The following RTKN2 variants were observed in gnomAD, a reference collection of about 807,000 sequenced individuals.
RTKN2 encodes the protein rhotekin-2.
In RTKN2, 69 loss-of-function variants were observed where a neutral mutation model predicts 71.5. The observed-to-expected ratio is 0.96, with a 90% CI of 0.79 to 1.18. The LOEUF (loss-of-function observed/expected upper bound fraction) is 1.18, where lower values mean the gene tolerates loss of function less well. RTKN2 is among the 50% of genes most tolerant of loss of function. The pLI, the probability that RTKN2 is intolerant of heterozygous loss-of-function variation, is 0.00. For missense variants in RTKN2, 724 were observed against 719.7 expected (o/e 1.01, Z -0.07); for synonymous variants, 236 against 236.5 (o/e 1.00, Z 0.02).
At chr10:62,224,337 A>AC (rs1364421752) in intron 6 of RTKN2, among the ~76,000 whole-genome samples, 1 of 62,762 alleles carries the variant, frequency 1.6e-5, no homozygotes, top group African/African-American at 5.7e-5. Flanking sequence ...ACTACAAAAA[A>AC]GAAAAAATTT....
rs1376439023 is a variant in RTKN2 at position 62,212,112 on chromosome 10, A to AT, written c.1020+5005_1020+5006insA. On this transcript the variant is annotated intron_variant, in intron 9 of 11. Coordinates refer to ENST00000373789, the MANE Select transcript of RTKN2 (RefSeq NM_145307.4). The stretch of plus-strand genomic sequence containing the variant: ...GAAACTCCATCTCTACTTAAAAAAA[A>AT]AATATATATATATGGGGTAATTAAA... Among the ~76,000 whole-genome samples the AT allele has an allele frequency of 3.4e-3, 70 of 20,698 alleles. No homozygotes were observed. In the East Asian group the frequency reaches 0.25, roughly 74 times the overall value. 13.6% of individuals were successfully genotyped at this position (20,698 alleles called of 152,430 possible). A position where few individuals can be genotyped will look rare whatever the true frequency, so the allele number is the denominator to read the frequency against.
chr10:62,262,643 G>A lies in RTKN2; in HGVS notation c.239C>T (p.Ala80Val). Residue 80 changes from alanine to valine, a missense_variant, in exon 2 of 12, where the codon GCA becomes GTA. Physicochemically the swap from Ala to Val is moderately conservative, Grantham distance 64. Coordinates refer to ENST00000373789, the MANE Select transcript of RTKN2 (RefSeq NM_145307.4). ...SELQKLEEQI[A>V]NQTGRCDVKF... ...TACTAACCATCTTCCAGTCTGATTTGCAATCTGTTCTTCTAATTTCTGTAG... is the reference window on the plus strand; with the variant it reads ...TACTAACCATCTTCCAGTCTGATTTACAATCTGTTCTTCTAATTTCTGTAG... The A allele has an allele frequency of 1.2e-6, 2 of 1,604,662 alleles. No individual in the cohort carries two copies. The highest frequency in any genetic ancestry group is 4.5e-5 in the East Asian group (2 of 44,734).
chr10:62,250,453 T>G (rs1374998230), intron 2 of RTKN2, among the ~76,000 whole-genome samples: 1 of 152,212 alleles, frequency 6.6e-6, no homozygotes, highest in African/African-American at 2.4e-5. Context: ...CATCATTTAT[T>G]AAGGAAACTA....
At position 62,194,086 on chromosome 10, in the gene RTKN2, T is replaced by C; in HGVS notation, c.*3822A>G. 1.0e-6 allele frequency: 1 copy of C among 981,382 alleles called. No individual in the cohort carries two copies. The highest frequency in any genetic ancestry group is 1.2e-6 in the Non-Finnish European group (1 of 826,234). The allele number at this position is 981,382 out of a possible 1,614,324, so 60.8% of individuals were successfully genotyped here. ...AATACCTTTGGTACTTTAAAAAATGTATGTCCATGATATAATACTTTTTAA... is the reference window on the plus strand; with the variant it reads ...AATACCTTTGGTACTTTAAAAAATGCATGTCCATGATATAATACTTTTTAA... On this transcript the variant is annotated 3_prime_UTR_variant, in exon 12 of 12. Transcript: ENST00000373789.
intron 9 of RTKN2, among the ~76,000 whole-genome samples, chr10:62,205,513 G>A (rs940642223): frequency 2.6e-5 from 4 of 152,042 alleles, no homozygotes; most frequent in Non-Finnish European, 5.9e-5. Flanking sequence ...CAGTAAAACC[G>A]TAACTTAGTG....
intron 8 of RTKN2, among the ~76,000 whole-genome samples, chr10:62,185,528 AC>A (rs1841120638): frequency 6.6e-6 from 1 of 152,070 alleles, no homozygotes; most frequent in South Asian, 2.1e-4. Flanking sequence ...AGGCAGGAGA[AC>A]CGCTTGAACC....
chr10:62,220,108 AT>A (rs150388010), intron 7 of RTKN2, among the ~76,000 whole-genome samples: 3 of 151,960 alleles, frequency 2.0e-5, no homozygotes, highest in Admixed American at 6.6e-5. Context: ...TTACCCCAGA[AT>A]TTTTTTTGTA....
At chr10:62,231,895 T>G (rs1472389029) in intron 6 of RTKN2, among the ~76,000 whole-genome samples, 4 of 152,186 alleles carry the variant, frequency 2.6e-5, no homozygotes, top group Non-Finnish European at 5.9e-5. Flanking sequence ...TGCATCCTGA[T>G]TTTTAAACTC....
At chr10:62,230,394 C>A (rs539959616) in intron 6 of RTKN2, among the ~76,000 whole-genome samples, 2 of 152,168 alleles carry the variant, frequency 1.3e-5, no homozygotes, top group Non-Finnish European at 2.9e-5. Context: ...CCAGGCTGGT[C>A]TCAAACTCCT....
At chr10:62,242,391 C>T (rs904681205) in intron 3 of RTKN2, among the ~76,000 whole-genome samples, 6 of 151,914 alleles carry the variant, frequency 3.9e-5, no homozygotes, top group African/African-American at 9.7e-5. Context: ...TTTGTCTTTA[C>T]ATTTTTATTA....
At chr10:62,246,616 C>A (rs1157700768) in intron 2 of RTKN2, among the ~76,000 whole-genome samples, 7 of 151,858 alleles carry the variant, frequency 4.6e-5, no homozygotes, top group Non-Finnish European at 8.8e-5. Context: ...AATAAATTAA[C>A]AAACTAAGAT....
chr10:62,210,896 T>C (rs1396215035), intron 9 of RTKN2, among the ~76,000 whole-genome samples: 1 of 152,134 alleles, frequency 6.6e-6, no homozygotes, highest in African/African-American at 2.4e-5. Context: ...GAAACTAATA[T>C]AATTGGATTA....
intron 1 of RTKN2, among the ~76,000 whole-genome samples, chr10:62,263,545 A>G (rs1842815605): frequency 6.6e-6 from 1 of 152,228 alleles, no homozygotes; most frequent in East Asian, 1.9e-4. Flanking sequence ...TCACACATAT[A>G]TATTATATAC....
Position 62,217,227 on chromosome 10 carries a change from C to T in RTKN2, c.911G>A (p.Ser304Asn). 5.1e-6 allele frequency: 8 copies of T among 1,565,762 alleles called. No homozygotes were observed. The highest frequency in any genetic ancestry group is 6.0e-6 in the Non-Finnish European group (7 of 1,158,402). The change falls in exon 9 of 12, where the codon AGT becomes AAT. Residue 304 changes from serine (S) to asparagine (N), a missense_variant. Coordinates refer to ENST00000373789, the MANE Select transcript of RTKN2 (RefSeq NM_145307.4). ...CAAAACACAATACAACCTTCTCCAA[C>T]TAATCAGACCTTCTACCATTTGCTG... The part of the protein sequence containing the change: ...NQQQMVEGLI[S>N]WRRLYCVLRG...
At chr10:62,234,083 G>A (rs1426659606) in intron 6 of RTKN2, among the ~76,000 whole-genome samples, 1 of 152,130 alleles carries the variant, frequency 6.6e-6, no homozygotes, top group Non-Finnish European at 1.5e-5. Flanking sequence ...AAGGTGAAAG[G>A]GGAACATCTT....
chr10:62,268,744 G>C lies in RTKN2; in HGVS notation c.-134C>G, dbSNP rs997512657. 20 of 916,910 alleles carry C rather than the reference G, an allele frequency of 2.2e-5. No individual in the cohort carries two copies. The East Asian group carries it at 5.6e-4, about 26-fold the overall frequency. The allele number at this position is 916,910 out of a possible 1,614,324, so 56.8% of individuals were successfully genotyped here. On this transcript the variant is annotated 5_prime_UTR_variant, in exon 1 of 12. Coordinates refer to ENST00000373789, the MANE Select transcript of RTKN2 (RefSeq NM_145307.4). ...CCCAGTCGCAGGGGCCGGGGGCGCA[G>C]GAGGAGCCGGGCCGAAGCGCACGCG... is the stretch of plus-strand genomic sequence containing the variant.
intron 1 of RTKN2, among the ~76,000 whole-genome samples, chr10:62,266,939 G>T (rs1842878435): frequency 6.6e-6 from 1 of 152,232 alleles, no homozygotes; most frequent in Non-Finnish European, 1.5e-5. Context: ...ATGCTGTGAG[G>T]AGTCGCAGAG....
chr10:62,250,224 G>A (rs192105523), intron 2 of RTKN2, among the ~76,000 whole-genome samples: 3 of 152,306 alleles, frequency 2.0e-5, no homozygotes, highest in Admixed American at 2.0e-4. Context: ...GGATACCAGA[G>A]CACTGGTTCC....
At chr10:62,221,045 G>A (rs1344348917) in intron 7 of RTKN2, among the ~76,000 whole-genome samples, 2 of 151,088 alleles carry the variant, frequency 1.3e-5, no homozygotes, top group Admixed American at 6.6e-5. Flanking sequence ...TCAAGCAGAG[G>A]GAAAAGTATC....
Sources: gnomAD v4.1 joint callset for allele counts (sites outside exome capture counted in the v4.1 genomes callset) on GRCh38, gnomAD v4.1.1 for gene constraint, MANE v1.5 for transcripts, NCBI Gene and HGNC (gene_info 2026-07-23, HGNC 2026-07-21) for gene names.